Variants in SGCZ observed in about 807,000 individuals in gnomAD.
The protein encoded by SGCZ is sarcoglycan zeta, also known as zeta-sarcoglycan.
In SGCZ, 40 loss-of-function variants were observed where a neutral mutation model predicts 41.3. The observed-to-expected ratio is 0.97, with a 90% CI of 0.75 to 1.26. The LOEUF (loss-of-function observed/expected upper bound fraction) is 1.26, where lower values mean the gene tolerates loss of function less well. Ranked by LOEUF, SGCZ falls within the 50% of genes most tolerant of loss-of-function variation. The probability of loss-of-function intolerance (pLI) is 0.00; values close to 1 mark genes in which losing one functional copy is unlikely to be tolerated. For synonymous variants in SGCZ, 206 were observed against 137.5 expected (o/e 1.50, Z -3.49); for missense variants, 552 against 369.8 (o/e 1.49, Z -4.04).
chr8:15,168,503 T>G (rs1263811041), intron 1 of SGCZ, among the ~76,000 whole-genome samples: 1 of 152,140 alleles, frequency 6.6e-6, no homozygotes, highest in Non-Finnish European at 1.5e-5. Flanking sequence ...GTGAGCTGCT[T>G]TGGTACTCAT....
chr8:14,120,175 C>A (rs1471748555), intron 5 of SGCZ, among the ~76,000 whole-genome samples: 1 of 152,080 alleles, frequency 6.6e-6, no homozygotes, highest in African/African-American at 2.4e-5. Context: ...CAGGACCATT[C>A]CTTTAACATC....
chr8:15,150,244 A>T (rs201358874), intron 1 of SGCZ, among the ~76,000 whole-genome samples: 10 of 41,332 alleles, frequency 2.4e-4, no homozygotes, highest in Non-Finnish European at 1.1e-3. Context: ...TATGTTTGAT[A>T]AAAATGAATA....
intron 4 of SGCZ, among the ~76,000 whole-genome samples, chr8:14,219,470 T>G (rs979048410): frequency 1.3e-5 from 2 of 152,136 alleles, no homozygotes; most frequent in Non-Finnish European, 2.9e-5. Context: ...GAATGAGAAC[T>G]GGGCACAGTG....
intron 1 of SGCZ, among the ~76,000 whole-genome samples, chr8:14,644,846 T>C (rs1164371165): frequency 1.3e-5 from 2 of 151,668 alleles, no homozygotes; most frequent in Non-Finnish European, 2.9e-5. Context: ...ATGGGGAAAT[T>C]AGTCAAACAT....
chr8:14,826,207 G>C (rs1802307216), intron 1 of SGCZ, among the ~76,000 whole-genome samples: 1 of 151,490 alleles, frequency 6.6e-6, no homozygotes, highest in Non-Finnish European at 1.5e-5. Flanking sequence ...CCTTGCGATA[G>C]TTTGCTGAGA....
intron 1 of SGCZ, among the ~76,000 whole-genome samples, chr8:14,686,865 T>C (rs979711459): frequency 2.6e-5 from 4 of 152,096 alleles, no homozygotes; most frequent in Admixed American, 1.3e-4. Flanking sequence ...CATGGCTTCA[T>C]CAGCAGCACA....
rs1297718671 is a variant in SGCZ, at chr8:14,785,909, G to GT, written c.40-230984dup. ...ATCCCTGCTGTGCCACTTGCTTTTG[G>GT]TTTTTTTTTTCTACTCCCAGAATCC... is the stretch of plus-strand genomic sequence containing the variant. On this transcript the variant is annotated intron_variant, in intron 1 of 7. Transcript: ENST00000382080. Among the ~76,000 whole-genome samples, 122 of 146,070 alleles carry GT rather than the reference G, an allele frequency of 8.4e-4. 1 individual carries two copies. Among genetic ancestry groups the GT allele is most frequent in the African/African-American group, 8.5e-4 (34 of 39,896 alleles).
At chr8:14,102,535 A>G in intron 6 of SGCZ, 36 bp from the exon 7 acceptor site, 5 of 1,334,760 alleles carry the variant, frequency 3.7e-6, no homozygotes, top group Non-Finnish European at 3.9e-6. Context: ...ATAGGAAAAA[A>G]AAACACAAAA....
rs535055153 is a variant in SGCZ at position 14,488,296 on chromosome 8, T to A, written c.234+66436A>T. Among the ~76,000 whole-genome samples the A allele has an allele frequency of 1.2e-3, 185 of 152,366 alleles. 2 individuals are homozygous for A. Among genetic ancestry groups the A allele is most frequent in the Non-Finnish European group, 5.9e-5 (4 of 68,036 alleles). On this transcript the variant is annotated intron_variant, in intron 2 of 7. Transcript: ENST00000382080. ...ATGGATTGATATTAATTCTATATTG[T>A]ATTATGGATAAAAGTTTGAAATTCT...
At chr8:14,919,140 T>A (rs1457560535) in intron 1 of SGCZ, among the ~76,000 whole-genome samples, 2 of 152,174 alleles carry the variant, frequency 1.3e-5, no homozygotes, top group African/African-American at 4.8e-5. Context: ...TTATGCTTGT[T>A]AAATAAATAC....
chr8:14,322,202 T>A (rs1341033548), intron 3 of SGCZ, among the ~76,000 whole-genome samples: 4 of 152,122 alleles, frequency 2.6e-5, no homozygotes, highest in Admixed American at 2.6e-4. Flanking sequence ...TTTCTGTTCT[T>A]GCACCAGATT....
intron 1 of SGCZ, among the ~76,000 whole-genome samples, chr8:15,186,881 T>C (rs1312648902): frequency 1.3e-5 from 2 of 152,186 alleles, no homozygotes; most frequent in Non-Finnish European, 2.9e-5. Context: ...GCAGATCTTA[T>C]TGGCTTTATT....
chr8:15,156,954 AAAAAAG>A (rs1225921991), intron 1 of SGCZ, among the ~76,000 whole-genome samples: 1 of 151,720 alleles, frequency 6.6e-6, no homozygotes, highest in African/African-American at 2.4e-5. Flanking sequence ...CAAAAAAAAA[AAAAAAG>A]AAAAGAAAAA....
At chr8:14,952,724 G>A (rs1800678516) in intron 1 of SGCZ, among the ~76,000 whole-genome samples, 1 of 152,086 alleles carries the variant, frequency 6.6e-6, no homozygotes, top group Non-Finnish European at 1.5e-5. Context: ...AAGTGGGGCA[G>A]GGACATTGAT....
intron 5 of SGCZ, among the ~76,000 whole-genome samples, chr8:14,124,994 G>A (rs1341161780): frequency 2.0e-5 from 3 of 151,894 alleles, no homozygotes; most frequent in Admixed American, 6.6e-5. Flanking sequence ...TCCTATACAC[G>A]AACAAAAGAC....
intron 1 of SGCZ, among the ~76,000 whole-genome samples, chr8:14,742,031 T>C (rs1435866936): frequency 6.6e-6 from 1 of 152,112 alleles, no homozygotes; most frequent in Non-Finnish European, 1.5e-5. Flanking sequence ...TATTGATTTG[T>C]AATTACAATA....
At chr8:14,997,912 A>G (rs964613854) in intron 1 of SGCZ, among the ~76,000 whole-genome samples, 1 of 152,162 alleles carries the variant, frequency 6.6e-6, no homozygotes, top group Admixed American at 6.5e-5. Flanking sequence ...GTGAGCCGAG[A>G]TGGTGCCACT....
At chr8:14,095,466 C>CTGTTTTGGTACCAGTACCATGCTGTTT (rs1402735851) in intron 7 of SGCZ, among the ~76,000 whole-genome samples, 21 of 152,216 alleles carry the variant, frequency 1.4e-4, no homozygotes, top group African/African-American at 5.1e-4. Flanking sequence ...GGCCGCTGTT[C>CTGTTTTGGTACCAGTACCATGCTGTTT]TGTTTTGGTA....
At chr8:14,704,244 G>C (rs192765923) in intron 1 of SGCZ, among the ~76,000 whole-genome samples, 1 of 151,898 alleles carries the variant, frequency 6.6e-6, no homozygotes, top group African/African-American at 2.4e-5. Context: ...CTCTTGCCAA[G>C]ACCTATGTTG....
Sources: gnomAD v4.1 joint callset for allele counts (sites outside exome capture counted in the v4.1 genomes callset) on GRCh38, gnomAD v4.1.1 for gene constraint, MANE v1.5 for transcripts, NCBI Gene and HGNC (gene_info 2026-07-23, HGNC 2026-07-21) for gene names.